APOOL: variants seen among roughly 807,000 people sequenced by gnomAD.
The protein encoded by APOOL is apolipoprotein O like.
A neutral mutation model predicts 23.1 loss-of-function variants in APOOL; 12 were observed. That is an observed-to-expected ratio of 0.52 (90% CI 0.33 to 0.84). The LOEUF (loss-of-function observed/expected upper bound fraction) is 0.84. Ranked by LOEUF, APOOL falls within the 40% of genes least tolerant of loss-of-function variation. The pLI is 0.02. For synonymous variants in APOOL, 77 were observed against 69.9 expected (o/e 1.10, Z -0.51); for missense variants, 212 against 199.6 (o/e 1.06, Z -0.37).
intron 2 of APOOL, among the ~76,000 whole-genome samples, chrX:85,048,335 C>T (rs12836069): frequency 9.0e-6 from 1 of 111,019 alleles, no homozygotes; most frequent in East Asian, 2.8e-4. Flanking sequence ...GATTTTAAGG[C>T]TTCCTTGACA....
chrX:85,040,786 T>A (rs1271303837), intron 1 of APOOL, among the ~76,000 whole-genome samples: 1 of 112,312 alleles, frequency 8.9e-6, no homozygotes, highest in African/African-American at 3.2e-5. Flanking sequence ...TCTTGTATTG[T>A]TTTATTTAAT....
At chrX:85,069,558 C>T (rs1023507187) in intron 6 of APOOL, among the ~76,000 whole-genome samples, 1 of 96,875 alleles carries the variant, frequency 1.0e-5, no homozygotes, top group African/African-American at 4.0e-5. Context: ...TGCAGTGAGC[C>T]GAGATTGCAC....
At chrX:85,082,069 G>A (rs1199829363) in intron 8 of APOOL, among the ~76,000 whole-genome samples, 6 of 111,860 alleles carry the variant, frequency 5.4e-5, no homozygotes, top group African/African-American at 2.0e-4. Flanking sequence ...TGTTATTACC[G>A]ACCTTCTGAA....
chrX:85,083,382 T>C (rs1240994890), intron 8 of APOOL, among the ~76,000 whole-genome samples: 1 of 111,335 alleles, frequency 9.0e-6, no homozygotes, highest in Non-Finnish European at 1.9e-5. Flanking sequence ...GATGAAAAGA[T>C]GGAGAATGTC....
Position 85,074,128 on chromosome X carries a change from G to A in APOOL, c.600+17G>A. 1 of 1,151,766 alleles carries A rather than the reference G, an allele frequency of 8.7e-7. No individual in the cohort carries two copies. Among genetic ancestry groups the A allele is most frequent in the Middle Eastern group, 2.4e-4 (1 of 4,234 alleles). The allele number at this position is 1,151,766 out of a possible 1,213,427, so 94.9% of individuals were successfully genotyped here. A position where few individuals can be genotyped will look rare whatever the true frequency, so the allele number is the denominator to read the frequency against. ...AAAACTAAGGTAGAGTTTACATGGA[G>A]CAAGACGGTCAACATTGAGTTTTGT... On this transcript the variant is annotated intron_variant, in intron 7 of 8. Transcript: ENST00000373173.
chrX:85,071,359 G>A (rs1923658254), intron 6 of APOOL, among the ~76,000 whole-genome samples: 2 of 110,427 alleles, frequency 1.8e-5, no homozygotes, highest in African/African-American at 6.6e-5. Flanking sequence ...ATTATATTGA[G>A]TATATTTTTG....
chrX:85,040,458 C>T (rs909971841), intron 1 of APOOL, among the ~76,000 whole-genome samples: 10 of 111,923 alleles, frequency 8.9e-5, no homozygotes, highest in South Asian at 3.7e-4. Context: ...AGGTTGGGGA[C>T]GTTTTCATGG....
intron 1 of APOOL, among the ~76,000 whole-genome samples, chrX:85,038,524 G>GTTTTTTTTTTTTTTTTTT (rs56248244): frequency 9.2e-5 from 4 of 43,445 alleles, no homozygotes; most frequent in African/African-American, 4.3e-4. Flanking sequence ...TCTGGTACAA[G>GTTTTTTTTTTTTTTTTTT]TTTTTTTTTT....
chrX:85,064,454 T>C (rs1049523625), intron 5 of APOOL, among the ~76,000 whole-genome samples: 1 of 109,230 alleles, frequency 9.2e-6, no homozygotes, highest in Admixed American at 9.9e-5. Context: ...GTTCTCTAGT[T>C]ATTTTAGTTG....
At chrX:85,044,714 G>A (rs1922515463) in intron 1 of APOOL, among the ~76,000 whole-genome samples, 1 of 111,517 alleles carries the variant, frequency 9.0e-6, no homozygotes, top group African/African-American at 3.3e-5. Flanking sequence ...AAGTACTTAG[G>A]CAATTTTCAA....
intron 1 of APOOL, among the ~76,000 whole-genome samples, chrX:85,016,208 A>G (rs66644175): frequency 0.053 from 5,652 of 106,029 alleles, 356 homozygotes; most frequent in African/African-American, 0.18. Flanking sequence ...TAGGGTTGGT[A>G]CAAAAGGAAT....
rs1924572682 is a variant in APOOL, at chrX:85,092,923, TCC to T, written c.*5247_*5248del. ...TTTTGAATAAAAATGCTTTCTAATCTCCCTCCTTCTTACTTTCCCTTGATAGC... is the reference window on the plus strand; with the variant it reads ...TTTTGAATAAAAATGCTTTCTAATCTCTCCTTCTTACTTTCCCTTGATAGC... On this transcript the variant is annotated 3_prime_UTR_variant, in exon 9 of 9. Transcript: ENST00000373173. The T allele has an allele frequency of 3.1e-6, 1 of 326,125 alleles. No individual in the cohort carries two copies. 26.9% of individuals were successfully genotyped at this position (326,125 alleles called of 1,213,427 possible).
chrX:85,012,272 C>T (rs1026872326), intron 1 of APOOL, among the ~76,000 whole-genome samples: 1 of 111,170 alleles, frequency 9.0e-6, no homozygotes, highest in Non-Finnish European at 1.9e-5. Context: ...TCTAGGTATA[C>T]TATCATATCA....
chrX:85,075,909 T>G (rs774221169), intron 8 of APOOL, among the ~76,000 whole-genome samples: 234 of 111,786 alleles, frequency 2.1e-3, no homozygotes, highest in Middle Eastern at 4.7e-3. Flanking sequence ...TACCATAGAC[T>G]GGGTGGCTTA....
chrX:85,084,136 T>G (rs1924208653), intron 8 of APOOL, among the ~76,000 whole-genome samples: 1 of 87,143 alleles, frequency 1.1e-5, no homozygotes, highest in Admixed American at 1.2e-4. Context: ...AGATGAAGCT[T>G]TTTTTTTTTT....
At chrX:85,077,223 C>T (rs745320978) in intron 8 of APOOL, among the ~76,000 whole-genome samples, 23 of 106,599 alleles carry the variant, frequency 2.2e-4, no homozygotes, top group Non-Finnish European at 3.7e-4. Flanking sequence ...TCATCATTTA[C>T]GTGAGGTATT....
chrX:85,033,308 G>A lies in APOOL; in HGVS notation c.16-13138G>A, dbSNP rs145664880. Among the ~76,000 whole-genome samples the A allele has an allele frequency of 5.5e-3, 617 of 111,946 alleles. 4 individuals carry two copies. Among genetic ancestry groups the A allele is most frequent in the Non-Finnish European group, 8.4e-3 (445 of 53,173 alleles). On this transcript the variant is annotated intron_variant, in intron 1 of 8. Coordinates refer to ENST00000373173, the MANE Select transcript of APOOL (RefSeq NM_198450.6). ...CCATTGCTATTATATTAGACCACAG[G>A]TGTTATTTTGTCAGCACATTCATCT...
chrX:85,076,150 CA>C (rs1479284946), intron 8 of APOOL, among the ~76,000 whole-genome samples: 5 of 110,679 alleles, frequency 4.5e-5, no homozygotes, highest in African/African-American at 1.6e-4. Context: ...TAATTCTAAC[CA>C]CTTCCTAAAG....
intron 2 of APOOL, among the ~76,000 whole-genome samples, chrX:85,050,319 G>C (rs970330600): frequency 4.5e-5 from 5 of 111,499 alleles, no homozygotes; most frequent in African/African-American, 1.6e-4. Context: ...ATGATGCTTT[G>C]AAGTATATAT....
Sources: allele counts gnomAD v4.1 joint callset (sites outside exome capture counted in the v4.1 genomes callset), GRCh38; gene constraint gnomAD v4.1.1; transcripts MANE v1.5; gene names NCBI Gene and HGNC (gene_info 2026-07-23, HGNC 2026-07-21).